TBC1D5: variants seen among roughly 807,000 people sequenced by gnomAD.
The protein encoded by TBC1D5 is TBC1 domain family, member 5.
In TBC1D5, 75 loss-of-function variants were observed where a neutral mutation model predicts 100.3. The ratio of observed to expected loss-of-function variants is 0.75; its 90% CI spans 0.62 to 0.91. TBC1D5 has a LOEUF of 0.91. Among genes scored for constraint, TBC1D5 ranks in the 40% least tolerant of loss-of-function variants. TBC1D5 has a pLI of 0.00. For missense variants in TBC1D5, 910 were observed against 942.4 expected (o/e 0.97, Z 0.45); for synonymous variants, 323 against 325.6 (o/e 0.99, Z 0.09).
In TBC1D5 at chr3:17,499,924, G is replaced by T. The variant is rs560641648; in HGVS notation, c.97+8550C>A. On this transcript the variant is annotated intron_variant, in intron 3 of 21. Transcript: ENST00000253692. The stretch of plus-strand genomic sequence containing the variant: ...ACCACACAACCTCCCATGTCTGGGG[G>T]GTCCAGGAATACTAGAAAGGATGGT... Among the ~76,000 whole-genome samples the T allele has an allele frequency of 2.7e-5, 4 of 149,188 alleles. No individual in the cohort carries two copies. In the South Asian group the frequency reaches 8.5e-4, roughly 32 times the overall value.
At chr3:17,308,309 T>C (rs2083614332) in intron 13 of TBC1D5, among the ~76,000 whole-genome samples, 175 bp from the exon 14 acceptor site, 1 of 152,126 alleles carries the variant, frequency 6.6e-6, no homozygotes, top group Admixed American at 6.5e-5. Flanking sequence ...TTTATAATTG[T>C]ATAACTAGGC....
chr3:17,737,593 T>C (rs2077056223), intron 1 of TBC1D5, among the ~76,000 whole-genome samples: 1 of 152,188 alleles, frequency 6.6e-6, no homozygotes, highest in Non-Finnish European at 1.5e-5. Flanking sequence ...GATTACTGGA[T>C]CTAATACATG....
intron 3 of TBC1D5, among the ~76,000 whole-genome samples, chr3:17,507,179 GATTT>G (rs2095853384): frequency 1.3e-5 from 2 of 152,102 alleles, no homozygotes; most frequent in East Asian, 1.9e-4. Flanking sequence ...AAAATAATTT[GATTT>G]ATTTAACTAC....
At position 17,166,760 on chromosome 3, in the gene TBC1D5, TCTGTAC is replaced by T. The variant is rs1418155589; in HGVS notation, c.2094+1_2094+6del. 47 of 1,601,532 alleles carry T rather than the reference TCTGTAC, an allele frequency of 2.9e-5. No homozygotes were observed. Among genetic ancestry groups the T allele is most frequent in the Non-Finnish European group, 3.7e-5 (44 of 1,176,392 alleles). ...TTAATGTAACATGTTCCTCAGAGTT[TCTGTAC>T]CTGTTTAATGGCCCCTGACATTTGA... On this transcript the variant is annotated splice_donor_variant and splice_donor_5th_base_variant and intron_variant, in intron 21 of 21. Coordinates refer to ENST00000253692, the Ensembl canonical transcript of TBC1D5. LOFTEE classifies it high-confidence loss of function.
chr3:17,552,541 G>T lies in TBC1D5; in HGVS notation c.-35-43936C>A, dbSNP rs2096483022. ...AGCAATTACTAAAAATGGAACACATGCCTGGCACTATTCTAGGCCCTAGGA... is the reference window on the plus strand; with the variant it reads ...AGCAATTACTAAAAATGGAACACATTCCTGGCACTATTCTAGGCCCTAGGA... On this transcript the variant is annotated intron_variant, in intron 2 of 21. Transcript: ENST00000253692. 2.6e-5 allele frequency among the ~76,000 whole-genome samples: 4 copies of T among 152,086 alleles called. No homozygotes were observed. In the South Asian group the frequency reaches 8.3e-4, roughly 32 times the overall value.
chr3:17,551,455 G>T (rs1025049487), intron 2 of TBC1D5, among the ~76,000 whole-genome samples: 2 of 152,036 alleles, frequency 1.3e-5, no homozygotes, highest in African/African-American at 4.8e-5. Flanking sequence ...AGCACAGCAT[G>T]CTTCATTAAC....
At chr3:17,291,148 T>G (rs914774079) in intron 15 of TBC1D5, among the ~76,000 whole-genome samples, 1 of 152,256 alleles carries the variant, frequency 6.6e-6, no homozygotes, top group African/African-American at 2.4e-5. Flanking sequence ...TACCATCCAA[T>G]GCCTGGCATT....
chr3:17,528,741 G>C (rs1042940892), intron 2 of TBC1D5, among the ~76,000 whole-genome samples: 1 of 152,028 alleles, frequency 6.6e-6, no homozygotes, highest in African/African-American at 2.4e-5. Flanking sequence ...AAAGAATTAA[G>C]CACTACAATA....
chr3:17,394,960 A>C (rs2093459499), intron 8 of TBC1D5, among the ~76,000 whole-genome samples: 1 of 152,102 alleles, frequency 6.6e-6, no homozygotes, highest in Admixed American at 6.6e-5. Context: ...AAAAAAAGGA[A>C]GTAGTAATTT....
At chr3:17,690,542 GT>G (rs1056373953) in intron 1 of TBC1D5, among the ~76,000 whole-genome samples, 1 of 151,880 alleles carries the variant, frequency 6.6e-6, no homozygotes, top group African/African-American at 2.4e-5. Flanking sequence ...TTATAACAGG[GT>G]TCTCCAACCC....
chr3:17,379,246 G>A (rs1458199585), intron 9 of TBC1D5, among the ~76,000 whole-genome samples: 2 of 151,896 alleles, frequency 1.3e-5, no homozygotes, highest in African/African-American at 4.8e-5. Context: ...AAGAACATCA[G>A]ATTTTCCAAT....
chr3:17,286,045 T>A (rs2081153795), intron 15 of TBC1D5, among the ~76,000 whole-genome samples: 1 of 152,156 alleles, frequency 6.6e-6, no homozygotes, highest in Non-Finnish European at 1.5e-5. Flanking sequence ...ATTCTAGTCT[T>A]CAAAACAAAT....
chr3:17,562,692 T>C (rs2096567460), intron 2 of TBC1D5, among the ~76,000 whole-genome samples: 1 of 152,090 alleles, frequency 6.6e-6, no homozygotes, highest in African/African-American at 2.4e-5. Context: ...AAAACCTAGA[T>C]ATAAAAAAAT....
chr3:17,174,705 T>C (rs1057259337), intron 19 of TBC1D5, among the ~76,000 whole-genome samples: 2 of 152,172 alleles, frequency 1.3e-5, no homozygotes, highest in African/African-American at 4.8e-5. Context: ...GCAATTCTCC[T>C]GTCTCAGCTT....
At chr3:17,702,216 G>A (rs989388339) in intron 1 of TBC1D5, 2 of 152,188 alleles carry the variant, frequency 1.3e-5, no homozygotes, top group East Asian at 3.9e-4. Flanking sequence ...AAGCACAACA[G>A]ATTCTTTTAC....
At chr3:17,611,546 G>C (rs1361949735) in intron 2 of TBC1D5, among the ~76,000 whole-genome samples, 1 of 152,202 alleles carries the variant, frequency 6.6e-6, no homozygotes, top group Non-Finnish European at 1.5e-5. Context: ...ATGAAGGCAT[G>C]ATCAGCAATG....
chr3:17,567,558 C>T (rs1429423103), intron 2 of TBC1D5, among the ~76,000 whole-genome samples: 2 of 151,650 alleles, frequency 1.3e-5, no homozygotes, highest in Non-Finnish European at 3.0e-5. Context: ...CTTCTCGATC[C>T]TTGAATACAT....
At position 17,394,452 on chromosome 3, in the gene TBC1D5, C is replaced by T. The variant is rs139063231; in HGVS notation, c.509+8729G>A. Among the ~76,000 whole-genome samples, 543 of 152,162 alleles carry T rather than the reference C, an allele frequency of 3.6e-3. 5 individuals are homozygous for T. Among genetic ancestry groups the T allele is most frequent in the African/African-American group, 0.011 (470 of 41,544 alleles). ...ATGTCATAGTCTTTCTGAGCTTCAA[C>T]TTTTCACCTTTGCAAAATAAAAGGA... is the stretch of plus-strand genomic sequence containing the variant. On this transcript the variant is annotated intron_variant, in intron 8 of 21. Coordinates refer to ENST00000253692, the Ensembl canonical transcript of TBC1D5.
intron 18 of TBC1D5, among the ~76,000 whole-genome samples, chr3:17,191,427 C>T (rs1030507233): frequency 6.6e-6 from 1 of 152,128 alleles, no homozygotes; most frequent in African/African-American, 2.4e-5. Context: ...AATTTTAATA[C>T]AATCCTAGAA....
Sources: gnomAD v4.1 joint callset for allele counts (sites outside exome capture counted in the v4.1 genomes callset) on GRCh38, gnomAD v4.1.1 for gene constraint, MANE v1.5 for transcripts, NCBI Gene and HGNC (gene_info 2026-07-23, HGNC 2026-07-21) for gene names.